The following FNDC3B variants were observed in gnomAD, a reference collection of about 807,000 sequenced individuals.
FNDC3B encodes the protein fibronectin type III domain-containing protein 3B.
A neutral mutation model predicts 151.5 loss-of-function variants in FNDC3B; 12 were observed. The ratio of observed to expected loss-of-function variants is 0.08; its 90% confidence interval spans 0.05 to 0.13. The LOEUF is 0.13. Ranked by LOEUF, FNDC3B falls within the 10% of genes least tolerant of loss-of-function variation. The pLI is 1.00. For synonymous variants in FNDC3B, 528 were observed against 549.0 expected, an observed-to-expected ratio of 0.96 and a Z score of 0.54; for missense variants, 1,214 against 1,505.3, an observed-to-expected ratio of 0.81 and a Z score of 3.20.
At chr3:172,153,398 G>A (rs1039793163) in intron 3 of FNDC3B, among the ~76,000 whole-genome samples, 2 of 152,082 alleles carry the variant, frequency 1.3e-5, no homozygotes, top group South Asian at 2.1e-4. Flanking sequence ...CCACAGAGGC[G>A]GCCTCTGTCC....
At chr3:172,387,755 G>A (rs764084349) in intron 25 of FNDC3B, among the ~76,000 whole-genome samples, 8 of 152,098 alleles carry the variant, frequency 5.3e-5, no homozygotes, top group African/African-American at 9.7e-5. Context: ...AGAAACTGTC[G>A]GGTGTTTTAC....
chr3:172,108,039 G>A (rs552124768), intron 1 of FNDC3B, among the ~76,000 whole-genome samples: 2 of 152,130 alleles, frequency 1.3e-5, no homozygotes, highest in African/African-American at 4.8e-5. Flanking sequence ...ATGGTGGCAC[G>A]TGCCTGTAGT....
rs1422918569 is a variant in FNDC3B at position 172,051,094 on chromosome 3, T to C, written c.-29+11323T>C. Among the ~76,000 whole-genome samples, 3 of 151,438 alleles carry C rather than the reference T, an allele frequency of 2.0e-5. No homozygotes were observed. In the South Asian group the frequency reaches 6.2e-4, roughly 31 times the overall value. On this transcript the variant is annotated intron_variant, in intron 1 of 25. Transcript: ENST00000415807. ...TCATTTTCTTTCTTCTTTTTTTTTTTTTTTTGGAGATGGAGTTTCACTCTT... is the reference window on the plus strand; with the variant it reads ...TCATTTTCTTTCTTCTTTTTTTTTTCTTTTTGGAGATGGAGTTTCACTCTT...
chr3:172,306,934 C>T (rs2108243748), intron 9 of FNDC3B: 1 of 161,560 alleles, frequency 6.2e-6, no homozygotes, highest in Middle Eastern at 3.1e-3. Context: ...TACTTTTATG[C>T]TTTCTCTCCA....
intron 23 of FNDC3B, among the ~76,000 whole-genome samples, chr3:172,367,368 A>G (rs1468168716): frequency 6.6e-6 from 1 of 152,206 alleles, no homozygotes; most frequent in Non-Finnish European, 1.5e-5. Flanking sequence ...GAGATAAATT[A>G]ACATCAAACA....
chr3:172,201,182 A>G (rs73880124), intron 3 of FNDC3B, among the ~76,000 whole-genome samples: 2,431 of 152,238 alleles, frequency 0.016, 84 homozygotes, highest in African/African-American at 0.056. Context: ...CCTACGGTGA[A>G]GTTCTGTTAG....
chr3:172,102,299 A>T (rs563405113), intron 1 of FNDC3B, among the ~76,000 whole-genome samples: 1 of 152,176 alleles, frequency 6.6e-6, no homozygotes, highest in African/African-American at 2.4e-5. Flanking sequence ...CAGGTGCCCC[A>T]AACAGTGCCT....
chr3:172,210,846 TTTGGATGTGTTAC>T (rs1279351822), intron 3 of FNDC3B, among the ~76,000 whole-genome samples: 6 of 152,226 alleles, frequency 3.9e-5, no homozygotes, highest in Non-Finnish European at 5.9e-5. Context: ...TTACTTGCTT[TTTGGATGTGTTAC>T]TTGGATGTGT....
intron 4 of FNDC3B, among the ~76,000 whole-genome samples, chr3:172,240,806 G>A (rs570747660): frequency 3.6e-4 from 55 of 152,234 alleles, no homozygotes; most frequent in Admixed American, 3.3e-3. Flanking sequence ...GCTGCTCCTG[G>A]GAACCCTCCA....
intron 1 of FNDC3B, among the ~76,000 whole-genome samples, chr3:172,041,425 CCT>C (rs1560378087): frequency 0.013 from 1,479 of 114,652 alleles, 11 homozygotes; most frequent in East Asian, 0.034. Context: ...TTCCTTCCTT[CCT>C]TCCTTCCTTC....
intron 15 of FNDC3B, among the ~76,000 whole-genome samples, chr3:172,336,366 C>CTA (rs1371383188): frequency 6.6e-6 from 1 of 152,248 alleles, no homozygotes; most frequent in South Asian, 2.1e-4. Context: ...TATGGGTAGA[C>CTA]TATATACCCA....
chr3:172,372,647 CT>C (rs1359374905), intron 23 of FNDC3B, among the ~76,000 whole-genome samples: 1 of 152,120 alleles, frequency 6.6e-6, no homozygotes, highest in Non-Finnish European at 1.5e-5. Context: ...CATGTTCCTG[CT>C]GGGTCAAAAG....
In FNDC3B at chr3:172,269,629, TTTG is replaced by T. The variant is rs367952073; in HGVS notation, c.791-16291_791-16289del. Among the ~76,000 whole-genome samples, 121 of 151,800 alleles carry T rather than the reference TTTG, an allele frequency of 8.0e-4. 1 individual carries two copies. The highest frequency in any genetic ancestry group is 2.8e-3 in the African/African-American group (114 of 41,244). ...ACTACAAATCTGTGTGGTTTTTTTGTTTGTTGTTTTGTTTTGTTTTGTTTTGTT... is the reference window on the plus strand; with the variant it reads ...ACTACAAATCTGTGTGGTTTTTTTGTTTGTTTTGTTTTGTTTTGTTTTGTT... On this transcript the variant is annotated intron_variant, in intron 6 of 25. Transcript: ENST00000415807.
chr3:172,372,380 C>T (rs1321698112), intron 23 of FNDC3B, among the ~76,000 whole-genome samples: 3 of 152,162 alleles, frequency 2.0e-5, no homozygotes, highest in Non-Finnish European at 4.4e-5. Context: ...TAAGGGTTGC[C>T]TGTAGCTACA....
intron 5 of FNDC3B, among the ~76,000 whole-genome samples, chr3:172,248,236 C>T (rs1010029859): frequency 6.6e-6 from 1 of 152,124 alleles, no homozygotes; most frequent in African/African-American, 2.4e-5. Context: ...TCTCAAGAAC[C>T]TTTAGGTTTC....
At chr3:172,300,731 CTG>C (rs977169985) in intron 9 of FNDC3B, among the ~76,000 whole-genome samples, 8 of 152,144 alleles carry the variant, frequency 5.3e-5, no homozygotes, top group African/African-American at 1.9e-4. Context: ...GTGCCACCAA[CTG>C]TTATTTGTTC....
chr3:172,267,862 G>A (rs1188267205), intron 6 of FNDC3B, among the ~76,000 whole-genome samples: 1 of 152,174 alleles, frequency 6.6e-6, no homozygotes, highest in Non-Finnish European at 1.5e-5. Flanking sequence ...ACACTAAATA[G>A]CTAATGTTAT....
chr3:172,261,339 A>G (rs1728637654), intron 6 of FNDC3B, among the ~76,000 whole-genome samples: 2 of 152,060 alleles, frequency 1.3e-5, no homozygotes, highest in Non-Finnish European at 2.9e-5. Context: ...GTCAACATCG[A>G]TTTTGTCATT....
intron 22 of FNDC3B, among the ~76,000 whole-genome samples, chr3:172,358,060 G>A (rs1008129240): frequency 2.0e-5 from 3 of 152,162 alleles, no homozygotes; most frequent in Admixed American, 6.5e-5. Context: ...CCCCTGTTAC[G>A]ATATAAGAGT....
Sources: allele counts gnomAD v4.1 joint callset (sites outside exome capture counted in the v4.1 genomes callset), GRCh38; gene constraint gnomAD v4.1.1; transcripts MANE v1.5; gene names NCBI Gene and HGNC (gene_info 2026-07-23, HGNC 2026-07-21).